Variants in KCNAB1 observed in about 807,000 individuals in gnomAD.
KCNAB1 encodes voltage-gated potassium channel subunit beta-1.
In KCNAB1, 35 loss-of-function variants were observed where a neutral mutation model predicts 64.6. The observed-to-expected ratio is 0.54, with a 90% confidence interval of 0.41 to 0.72. KCNAB1 has a LOEUF of 0.72. Ranked by LOEUF, KCNAB1 falls within the 30% of genes least tolerant of loss-of-function variation. The pLI, the probability that KCNAB1 is intolerant of heterozygous loss-of-function variation, is 0.00. For synonymous variants in KCNAB1, 177 were observed against 183.8 expected, an observed-to-expected ratio of 0.96 and a Z score of 0.30; for missense variants, 401 against 512.9, an observed-to-expected ratio of 0.78 and a Z score of 2.11.
chr3:156,187,077 T>C (rs1448982712), intron 1 of KCNAB1, among the ~76,000 whole-genome samples: 2 of 152,132 alleles, frequency 1.3e-5, no homozygotes, highest in African/African-American at 4.8e-5. Context: ...TGGTCTAGAA[T>C]TCCTGGGCTC....
intron 1 of KCNAB1, among the ~76,000 whole-genome samples, chr3:156,182,175 A>C (rs1394226695): frequency 1.3e-5 from 2 of 152,154 alleles, no homozygotes; most frequent in African/African-American, 4.8e-5. Context: ...CTCACTCATC[A>C]TAAGTCTAAT....
At chr3:156,524,941 G>T (rs1166019952) in intron 12 of KCNAB1, among the ~76,000 whole-genome samples, 2 of 151,896 alleles carry the variant, frequency 1.3e-5, no homozygotes, top group East Asian at 3.9e-4. Flanking sequence ...TTATCCTAAG[G>T]TCCGAGTGCA....
At chr3:156,259,374 C>A (rs923390965) in intron 1 of KCNAB1, among the ~76,000 whole-genome samples, 10 of 152,158 alleles carry the variant, frequency 6.6e-5, no homozygotes, top group Non-Finnish European at 1.5e-5. Context: ...ACCTGGGAAG[C>A]CTGAGATCAA....
chr3:156,176,404 C>T, intron 1 of KCNAB1: 1 of 784,824 alleles, frequency 1.3e-6, no homozygotes, highest in Non-Finnish European at 2.4e-6. Context: ...ACTGTGCCAT[C>T]GTCACTGCTA....
chr3:156,432,377 T>C (rs1408046622), intron 2 of KCNAB1, among the ~76,000 whole-genome samples: 1 of 152,192 alleles, frequency 6.6e-6, no homozygotes, highest in Non-Finnish European at 1.5e-5. Flanking sequence ...TCTCAAAGGA[T>C]TAGTGAGACC....
chr3:156,308,898 A>G (rs777604504), intron 1 of KCNAB1, among the ~76,000 whole-genome samples: 2 of 152,214 alleles, frequency 1.3e-5, no homozygotes, highest in Non-Finnish European at 2.9e-5. Context: ...AATTTAGGAA[A>G]TATATAATAT....
At chr3:156,524,176 A>C (rs2280299) in intron 12 of KCNAB1, 25 of 443,874 alleles carry the variant, frequency 5.6e-5, no homozygotes, top group African/African-American at 4.8e-4. Flanking sequence ...AACATAGTTT[A>C]AATGAGAACA....
chr3:156,482,383 T>C (rs1490549696), intron 8 of KCNAB1, among the ~76,000 whole-genome samples: 1 of 151,850 alleles, frequency 6.6e-6, no homozygotes, highest in Non-Finnish European at 1.5e-5. Flanking sequence ...AAAAATCCTA[T>C]CCTTAGAAAA....
chr3:156,490,315 C>T (rs937180562), intron 8 of KCNAB1, among the ~76,000 whole-genome samples: 2 of 152,084 alleles, frequency 1.3e-5, no homozygotes, highest in Admixed American at 6.6e-5. Context: ...AGTGGACAAA[C>T]ACCGTTCAAG....
At chr3:156,482,046 G>A (rs767861180) in intron 8 of KCNAB1, among the ~76,000 whole-genome samples, 4 of 152,180 alleles carry the variant, frequency 2.6e-5, no homozygotes, top group Non-Finnish European at 5.9e-5. Flanking sequence ...TAGCCAAGCT[G>A]CAGGGCTGCA....
chr3:156,362,269 G>A (rs1241627171), intron 1 of KCNAB1, among the ~76,000 whole-genome samples: 1 of 152,162 alleles, frequency 6.6e-6, no homozygotes, highest in Non-Finnish European at 1.5e-5. Flanking sequence ...CTAGAATGAC[G>A]TGATTATTAT....
intron 1 of KCNAB1, among the ~76,000 whole-genome samples, chr3:156,392,199 T>C (rs1713091951): frequency 6.6e-6 from 1 of 152,230 alleles, no homozygotes; most frequent in Non-Finnish European, 1.5e-5. Context: ...TACTTGTTTA[T>C]TGTCAGTCTC....
chr3:156,378,579 C>T (rs1711892643), intron 1 of KCNAB1, among the ~76,000 whole-genome samples: 1 of 152,164 alleles, frequency 6.6e-6, no homozygotes, highest in Non-Finnish European at 1.5e-5. Flanking sequence ...ATCCCCTCCT[C>T]TGAACTCCAG....
At chr3:156,189,801 C>A (rs1713442646) in intron 1 of KCNAB1, among the ~76,000 whole-genome samples, 1 of 152,080 alleles carries the variant, frequency 6.6e-6, no homozygotes, top group Non-Finnish European at 1.5e-5. Flanking sequence ...AATATGGGAG[C>A]CTCAGTGGGC....
At chr3:156,251,211 T>C (rs931667721) in intron 1 of KCNAB1, among the ~76,000 whole-genome samples, 4 of 152,258 alleles carry the variant, frequency 2.6e-5, no homozygotes, top group Non-Finnish European at 5.9e-5. Flanking sequence ...TTGTGTGAGA[T>C]GGAGGCTTTA....
At chr3:156,432,419 T>A (rs1490176041) in intron 2 of KCNAB1, among the ~76,000 whole-genome samples, 1 of 152,154 alleles carries the variant, frequency 6.6e-6, no homozygotes, top group Non-Finnish European at 1.5e-5. Flanking sequence ...AGCTTCATCC[T>A]AACACCTGGA....
chr3:156,183,317 G>T (rs1425443809), intron 1 of KCNAB1, among the ~76,000 whole-genome samples: 2 of 152,096 alleles, frequency 1.3e-5, no homozygotes, highest in South Asian at 2.1e-4. Context: ...AAGGAACAGG[G>T]TTCCGAAGAA....
chr3:156,508,412 A>T lies in KCNAB1; in HGVS notation c.659-5952A>T, dbSNP rs373043310. Among the ~76,000 whole-genome samples the T allele has an allele frequency of 3.8e-4, 58 of 152,354 alleles. No homozygotes were observed. Among genetic ancestry groups the T allele is most frequent in the African/African-American group, 1.2e-3 (50 of 41,584 alleles). On this transcript the variant is annotated intron_variant, in intron 8 of 13. Coordinates refer to ENST00000490337, the MANE Select transcript of KCNAB1 (RefSeq NM_172160.3). This position sits in a 1 kb window ranked among gnomAD's most constrained non-coding sequence, Gnocchi z 4.1. Reference sequence around the variant, plus strand: ...CTAGGGAACATTTTGCAGGAAAAAAAGTTTAATGTGAGCTACCACTTTTGG... The same window carrying T: ...CTAGGGAACATTTTGCAGGAAAAAATGTTTAATGTGAGCTACCACTTTTGG...
At chr3:156,415,135 G>A (rs751180157) in intron 1 of KCNAB1, among the ~76,000 whole-genome samples, 3 of 152,088 alleles carry the variant, frequency 2.0e-5, no homozygotes, top group Non-Finnish European at 2.9e-5. Context: ...GCAACTGAGA[G>A]GATCATTAGG....
Sources: allele counts gnomAD v4.1 joint callset (sites outside exome capture counted in the v4.1 genomes callset), GRCh38; gene constraint gnomAD v4.1.1; non-coding constraint Gnocchi (gnomAD v3.1); transcripts MANE v1.5; gene names NCBI Gene and HGNC (gene_info 2026-07-23, HGNC 2026-07-21).